The following PPHLN1 variants were observed in gnomAD, a reference collection of about 807,000 sequenced individuals.
PPHLN1 encodes periphilin-1.
Under a neutral mutation model 51.3 loss-of-function variants are expected in PPHLN1, and 29 were observed. The ratio of observed to expected loss-of-function variants is 0.57; its 90% CI spans 0.42 to 0.77. The LOEUF is 0.77. PPHLN1 is among the 30% of genes least tolerant of loss of function. The pLI is 0.00. For missense variants in PPHLN1, 436 were observed against 438.4 expected (o/e 0.99, Z 0.05); for synonymous variants, 147 against 147.8 (o/e 0.99, Z 0.04).
intron 4 of PPHLN1, among the ~76,000 whole-genome samples, chr12:42,361,882 T>C (rs1231617220): frequency 6.6e-6 from 1 of 152,190 alleles, no homozygotes; most frequent in Non-Finnish European, 1.5e-5. Context: ...TTCAGTTTTT[T>C]GGGTACATAT....
intron 3 of PPHLN1, among the ~76,000 whole-genome samples, chr12:42,353,001 A>T (rs780691366): frequency 6.6e-6 from 1 of 151,932 alleles, no homozygotes; most frequent in African/African-American, 2.4e-5. Context: ...AGGCAGGAGA[A>T]TTGCTTAAAC....
chr12:42,392,628 A>C (rs1038182615), intron 7 of PPHLN1, among the ~76,000 whole-genome samples: 43 of 152,218 alleles, frequency 2.8e-4, no homozygotes, highest in Non-Finnish European at 1.6e-4. Context: ...TAATTTTTAA[A>C]TTTGTGCTTG....
intron 7 of PPHLN1, among the ~76,000 whole-genome samples, chr12:42,387,777 T>A (rs2077313630): frequency 6.6e-6 from 1 of 152,096 alleles, no homozygotes; most frequent in African/African-American, 2.4e-5. Context: ...AGGGAAGACA[T>A]AAGAAACTCC....
chr12:42,333,194 G>A (rs2070055189), intron 1 of PPHLN1, among the ~76,000 whole-genome samples: 2 of 152,012 alleles, frequency 1.3e-5, no homozygotes, highest in South Asian at 4.2e-4. Context: ...TCTTTGAAAT[G>A]GTTTGCAAAA....
In PPHLN1 at chr12:42,374,921, C is replaced by T. The variant is rs371593978; in HGVS notation, c.358C>T (p.Arg120Trp). Residue 120 changes from arginine to tryptophan, a missense_variant, in exon 5 of 10, where the codon CGG (arginine) becomes TGG (tryptophan). Transcript: ENST00000358314. ...SFYSSHYARE[R>W]SPYKRDNTFF... Reference sequence around the variant, plus strand: ...CTACTCTTCCCATTATGCGAGAGAGCGGTCTCCTTATAAAAGGGACAATAC... The same window carrying T: ...CTACTCTTCCCATTATGCGAGAGAGTGGTCTCCTTATAAAAGGGACAATAC... The T allele has an allele frequency of 1.7e-5, 27 of 1,613,204 alleles. No homozygotes were observed. Among genetic ancestry groups the T allele is most frequent in the Non-Finnish European group, 2.2e-5 (26 of 1,179,826 alleles).
intron 8 of PPHLN1, among the ~76,000 whole-genome samples, chr12:42,394,415 T>G (rs917487337): frequency 4.6e-5 from 7 of 152,140 alleles, no homozygotes; most frequent in African/African-American, 1.7e-4. Flanking sequence ...TGAAGGAGCA[T>G]TCTGGCTTTT....
At chr12:42,442,512 A>T, downstream of PPHLN1, 2 of 1,311,608 alleles carry the variant, frequency 1.5e-6, no homozygotes, top group Non-Finnish European at 1.0e-6. Context: ...TGTACCGAAT[A>T]AATACAAGCG....
At chr12:42,343,840 T>C (rs980693350) in intron 2 of PPHLN1, 3 of 432,852 alleles carry the variant, frequency 6.9e-6, no homozygotes, top group African/African-American at 6.2e-5. Context: ...TTTTATGTTT[T>C]TGACACACTG....
chr12:42,441,234 A>G (rs1854401579), intron 9 of PPHLN1, 81 bp from the exon 10 acceptor site: 1 of 1,467,274 alleles, frequency 6.8e-7, no homozygotes, highest in Non-Finnish European at 9.1e-7. Context: ...TGTCAGCATC[A>G]TAATTCTGCC....
At chr12:42,397,574 T>G (rs974622101) in intron 8 of PPHLN1, among the ~76,000 whole-genome samples, 29 of 138,260 alleles carry the variant, frequency 2.1e-4, no homozygotes, top group African/African-American at 7.1e-4. Context: ...TTTTACATAT[T>G]GTGTATAGGC....
chr12:42,331,582 A>G (rs1176375038), intron 1 of PPHLN1, among the ~76,000 whole-genome samples: 2 of 152,232 alleles, frequency 1.3e-5, no homozygotes, highest in Admixed American at 6.5e-5. Flanking sequence ...ATATCCCATG[A>G]TGGTATATTA....
intron 9 of PPHLN1, among the ~76,000 whole-genome samples, chr12:42,430,540 C>T (rs759833540): frequency 2.8e-4 from 42 of 151,914 alleles, no homozygotes; most frequent in Admixed American, 1.3e-4. Context: ...CCCAGGCTGG[C>T]GTGTAGAGTG....
At chr12:42,405,985 A>G (rs1464056196) in intron 9 of PPHLN1, among the ~76,000 whole-genome samples, 1 of 152,192 alleles carries the variant, frequency 6.6e-6, no homozygotes, top group African/African-American at 2.4e-5. Context: ...GGCAAGAAAT[A>G]GAATATTACC....
chr12:42,446,823 T>G, downstream of PPHLN1: 1 of 517,670 alleles, frequency 1.9e-6, no homozygotes, highest in Non-Finnish European at 3.3e-6. Context: ...ATTAATTCTC[T>G]TACCCTGAGG....
chr12:42,370,230 G>A (rs1422052514), intron 4 of PPHLN1, among the ~76,000 whole-genome samples: 3 of 152,200 alleles, frequency 2.0e-5, no homozygotes, highest in African/African-American at 7.2e-5. Flanking sequence ...GATTCAGCTG[G>A]TGAGGGTTGA....
chr12:42,445,742 A>G (rs2083280833), downstream of PPHLN1: 1 of 429,074 alleles, frequency 2.3e-6, no homozygotes, highest in Admixed American at 4.1e-5. Context: ...TCAGAAAACA[A>G]TGGAGAATAT....
chr12:42,346,460 A>G (rs1431700279), intron 2 of PPHLN1, among the ~76,000 whole-genome samples: 1 of 152,176 alleles, frequency 6.6e-6, no homozygotes, highest in African/African-American at 2.4e-5. Context: ...ATATATTTAT[A>G]TACCAGATTT....
At chr12:42,412,644 A>G (rs897425057) in intron 9 of PPHLN1, among the ~76,000 whole-genome samples, 1 of 152,136 alleles carries the variant, frequency 6.6e-6, no homozygotes, top group Non-Finnish European at 1.5e-5. Flanking sequence ...ATAGATATAC[A>G]GTAGTAGGAT....
intron 9 of PPHLN1, among the ~76,000 whole-genome samples, chr12:42,404,127 G>A (rs1369631881): frequency 6.6e-6 from 1 of 151,506 alleles, no homozygotes; most frequent in Non-Finnish European, 1.5e-5. Context: ...TGTGAAAGCC[G>A]TTTATGTATG....
Sources: gnomAD v4.1 joint callset for allele counts (sites outside exome capture counted in the v4.1 genomes callset) on GRCh38, gnomAD v4.1.1 for gene constraint, MANE v1.5 for transcripts, NCBI Gene and HGNC (gene_info 2026-07-23, HGNC 2026-07-21) for gene names.